Variants in CLVS1 observed in about 807,000 individuals in gnomAD.
CLVS1 encodes clavesin 1, also known as clavesin-1.
A neutral mutation model predicts 33.1 loss-of-function variants in CLVS1; 10 were observed. That is an observed-to-expected ratio of 0.30 (90% CI 0.19 to 0.51). The LOEUF is 0.51. CLVS1 is among the 20% of genes least tolerant of loss of function. CLVS1 has a pLI of 0.97. For synonymous variants in CLVS1, 163 were observed against 166.1 expected, an observed-to-expected ratio of 0.98 and a Z score of 0.14; for missense variants, 343 against 433.4, an observed-to-expected ratio of 0.79 and a Z score of 1.85.
intron 2 of CLVS1, among the ~76,000 whole-genome samples, chr8:61,318,537 C>T (rs942465533): frequency 6.6e-6 from 1 of 152,170 alleles, no homozygotes. Flanking sequence ...AGAAAATTAT[C>T]TTTTATCTCT....
rs532718335 is a variant in CLVS1 at position 61,065,309 on chromosome 8, T to C, written c.-243+8079T>C. On this transcript the variant is annotated intron_variant, in intron 1 of 2. Transcript: ENST00000522621. ...AGGGAAAAATGACAAGAAAAAAGTC[T>C]GTGTATGTTCAGTACAGATACAATC... Among the ~76,000 whole-genome samples the C allele has an allele frequency of 1.6e-4, 24 of 152,364 alleles. No individual in the cohort carries two copies. The East Asian group carries it at 4.6e-3, about 29-fold the overall frequency.
chr8:60,981,688 T>C, the CLVS1 span, among the ~76,000 whole-genome samples: 1 of 152,228 alleles, frequency 6.6e-6, no homozygotes, highest in African/African-American at 2.4e-5. Context: ...TTGGAGGAGA[T>C]GCTAAATTTT....
At chr8:61,272,400 G>C (rs1438919400) in intron 2 of CLVS1, among the ~76,000 whole-genome samples, 4 of 152,050 alleles carry the variant, frequency 2.6e-5, no homozygotes, top group African/African-American at 4.8e-5. Context: ...AGGGTAACCC[G>C]ACCTTTCTCT....
chr8:61,064,265 T>C (rs1041919705), intron 1 of CLVS1, among the ~76,000 whole-genome samples: 10 of 152,236 alleles, frequency 6.6e-5, no homozygotes, highest in Non-Finnish European at 1.5e-4. Flanking sequence ...CTGGATCATA[T>C]AGTAATTCTA....
chr8:61,188,032 TGACA>T (rs1464872922), intron 2 of CLVS1, among the ~76,000 whole-genome samples: 1 of 152,092 alleles, frequency 6.6e-6, no homozygotes, highest in Non-Finnish European at 1.5e-5. Flanking sequence ...TCACTGAGAC[TGACA>T]AATTTGAACT....
Position 61,446,072 on chromosome 8 carries a change from T to C in CLVS1, c.631-8069T>C, listed in dbSNP as rs191174065. Among the ~76,000 whole-genome samples, 535 of 152,270 alleles carry C rather than the reference T, an allele frequency of 3.5e-3. 2 individuals are homozygous for C. The highest frequency in any genetic ancestry group is 0.012 in the African/African-American group (488 of 41,572). ...TTTGTTCCCTTGTCAAACTTGCTAA[T>C]AGTTTGTTAATTTTATTGATCTTTT... is the stretch of plus-strand genomic sequence containing the variant. On this transcript the variant is annotated intron_variant, in intron 3 of 5. Coordinates refer to ENST00000325897, the MANE Select transcript of CLVS1 (RefSeq NM_173519.3).
intron 1 of CLVS1, among the ~76,000 whole-genome samples, chr8:61,075,155 C>T (rs1804886185): frequency 6.6e-6 from 1 of 152,108 alleles, no homozygotes; most frequent in Admixed American, 6.5e-5. Context: ...GAATGGGGGG[C>T]ACTGTGGACT....
At chr8:61,192,566 A>G (rs1422194408) in intron 2 of CLVS1, among the ~76,000 whole-genome samples, 1 of 152,230 alleles carries the variant, frequency 6.6e-6, no homozygotes, top group Non-Finnish European at 1.5e-5. Flanking sequence ...AGAAACTACC[A>G]TCAGAGTGAA....
At chr8:61,324,001 C>A (rs941502206) in intron 2 of CLVS1, among the ~76,000 whole-genome samples, 2 of 152,094 alleles carry the variant, frequency 1.3e-5, no homozygotes, top group African/African-American at 4.8e-5. Flanking sequence ...GAATAGTATT[C>A]CACAGTGTAA....
At chr8:61,143,837 TTATATATACATAA>T (rs1806361634) in intron 2 of CLVS1, among the ~76,000 whole-genome samples, 1 of 147,492 alleles carries the variant, frequency 6.8e-6, no homozygotes, top group African/African-American at 2.5e-5. Context: ...TATGTATATA[TTATATATACATAA>T]TATATATACA....
intron 2 of CLVS1, among the ~76,000 whole-genome samples, chr8:61,264,290 C>T (rs1299240455): frequency 6.6e-6 from 1 of 151,974 alleles, no homozygotes; most frequent in African/African-American, 2.4e-5. Context: ...GGAACTTTCT[C>T]TGAGTTTAAC....
At chr8:61,352,415 A>G (rs1357396343) in intron 2 of CLVS1, among the ~76,000 whole-genome samples, 1 of 152,024 alleles carries the variant, frequency 6.6e-6, no homozygotes, top group Non-Finnish European at 1.5e-5. Context: ...AATTAATAAA[A>G]TGGTGGACTT....
At chr8:61,245,470 C>A (rs902307001) in intron 2 of CLVS1, among the ~76,000 whole-genome samples, 1 of 152,074 alleles carries the variant, frequency 6.6e-6, no homozygotes. Flanking sequence ...CAGGTGTGAG[C>A]CACTGCACCC....
chr8:61,033,227 A>G, the CLVS1 span, among the ~76,000 whole-genome samples: 23 of 152,304 alleles, frequency 1.5e-4, no homozygotes, highest in South Asian at 4.6e-3. Context: ...CAAAACAACA[A>G]CAACAACAAA....
At chr8:61,389,021 A>G (rs1008858155) in intron 3 of CLVS1, among the ~76,000 whole-genome samples, 2 of 152,188 alleles carry the variant, frequency 1.3e-5, no homozygotes, top group Non-Finnish European at 2.9e-5. Flanking sequence ...TCTGCATATG[A>G]GTGAGAACAT....
chr8:61,093,711 A>G (rs550063149), intron 1 of CLVS1, among the ~76,000 whole-genome samples: 1 of 152,340 alleles, frequency 6.6e-6, no homozygotes, highest in East Asian at 1.9e-4. Context: ...TGGAACACAC[A>G]TGCTTAGCTG....
rs1585979834 is a variant in CLVS1 at position 61,442,086 on chromosome 8, C to T, written c.631-12055C>T. Among the ~76,000 whole-genome samples the T allele has an allele frequency of 2.6e-5, 4 of 152,314 alleles. No homozygotes were observed. The South Asian group carries it at 8.3e-4, about 32-fold the overall frequency. On this transcript the variant is annotated intron_variant, in intron 3 of 5. Transcript: ENST00000325897. Reference sequence around the variant, plus strand: ...TTATAGGCACACTCACTTCCCTCAACCCCACCTACTCAGCCCCTGGCAATC... The same window carrying T: ...TTATAGGCACACTCACTTCCCTCAATCCCACCTACTCAGCCCCTGGCAATC...
chr8:61,180,668 C>T lies in CLVS1; in HGVS notation c.-152+48808C>T, dbSNP rs548200406. Among the ~76,000 whole-genome samples, 13 of 152,260 alleles carry T rather than the reference C, an allele frequency of 8.5e-5. No individual in the cohort carries two copies. In the East Asian group the frequency reaches 9.7e-4, roughly 11 times the overall value. The stretch of plus-strand genomic sequence containing the variant: ...GATCAAGATGGTTTCATCCCTGTGA[C>T]GCAAGTCTGGTTCAACATATGCAAA... On this transcript the variant is annotated intron_variant, in intron 2 of 2. Coordinates refer to the CLVS1 transcript ENST00000522621.
chr8:61,349,456 C>T (rs1165256334), intron 2 of CLVS1, among the ~76,000 whole-genome samples: 2 of 152,094 alleles, frequency 1.3e-5, no homozygotes, highest in Non-Finnish European at 2.9e-5. Flanking sequence ...GGGTCAAGGA[C>T]ACCTCTCAGA....
Sources: allele counts gnomAD v4.1 joint callset (sites outside exome capture counted in the v4.1 genomes callset), GRCh38; gene constraint gnomAD v4.1.1; transcripts MANE v1.5; gene names NCBI Gene and HGNC (gene_info 2026-07-23, HGNC 2026-07-21).